GALNTL6: variants seen among roughly 807,000 people sequenced by gnomAD.
GALNTL6 encodes polypeptide N-acetylgalactosaminyltransferase-like 6.
In GALNTL6, 46 loss-of-function variants were observed where a neutral mutation model predicts 73.7. The ratio of observed to expected loss-of-function variants is 0.62; its 90% CI spans 0.49 to 0.80. The LOEUF (loss-of-function observed/expected upper bound fraction) is 0.80. Ranked by LOEUF, GALNTL6 falls within the 30% of genes least tolerant of loss-of-function variation. The pLI is 0.00. For synonymous variants in GALNTL6, 259 were observed against 263.7 expected, an observed-to-expected ratio of 0.98 and a Z score of 0.17; for missense variants, 604 against 755.0, an observed-to-expected ratio of 0.80 and a Z score of 2.34.
chr4:172,133,785 T>C (rs1375585351), intron 2 of GALNTL6, among the ~76,000 whole-genome samples: 1 of 152,182 alleles, frequency 6.6e-6, no homozygotes, highest in Non-Finnish European at 1.5e-5. Flanking sequence ...GCATGGCATA[T>C]AATAAAAGCT....
intron 2 of GALNTL6, among the ~76,000 whole-genome samples, chr4:171,929,294 A>G (rs562347011): frequency 1.5e-4 from 23 of 152,276 alleles, no homozygotes; most frequent in African/African-American, 5.5e-4. Flanking sequence ...CTGGTCTTGA[A>G]TTCCTGGCCT....
intron 5 of GALNTL6, among the ~76,000 whole-genome samples, chr4:172,611,334 A>G (rs1367368711): frequency 2.0e-5 from 3 of 151,998 alleles, no homozygotes; most frequent in Admixed American, 6.6e-5. Context: ...TCATTTCCAC[A>G]GTTAGCATTA....
intron 5 of GALNTL6, among the ~76,000 whole-genome samples, chr4:172,367,642 A>C (rs1043475770): frequency 6.6e-6 from 1 of 152,136 alleles, no homozygotes; most frequent in Non-Finnish European, 1.5e-5. Context: ...TAGTTTTTGG[A>C]ATATCTCAGT....
intron 2 of GALNTL6, among the ~76,000 whole-genome samples, chr4:171,962,437 A>T (rs1739247754): frequency 6.6e-6 from 1 of 152,166 alleles, no homozygotes; most frequent in Non-Finnish European, 1.5e-5. Context: ...TGGCAATGAA[A>T]GTGACCTCTG....
intron 5 of GALNTL6, among the ~76,000 whole-genome samples, chr4:172,430,295 T>G (rs770207202): frequency 2.3e-4 from 35 of 151,926 alleles, no homozygotes; most frequent in South Asian, 1.3e-3. Context: ...GGAAGAGAGA[T>G]AGAGAGACAG....
At chr4:172,182,646 A>G (rs988262530) in intron 2 of GALNTL6, among the ~76,000 whole-genome samples, 4 of 151,620 alleles carry the variant, frequency 2.6e-5, no homozygotes, top group Non-Finnish European at 4.4e-5. Context: ...GACCAAAGCA[A>G]TCATTTCTAG....
chr4:172,855,642 C>T lies in GALNTL6; in HGVS notation c.924-27148C>T, dbSNP rs183559484. On this transcript the variant is annotated intron_variant, in intron 7 of 12. Transcript: ENST00000506823. ...CTCTGAATGTAAATCATAGATTTCC[C>T]TCAAGAGTTTTCAGCCCTTGAGTAT... is the stretch of plus-strand genomic sequence containing the variant. Among the ~76,000 whole-genome samples the T allele has an allele frequency of 2.4e-4, 37 of 152,236 alleles. No homozygotes were observed. The East Asian group carries it at 2.9e-3, about 12-fold the overall frequency.
chr4:172,222,829 A>G (rs1031541349), intron 2 of GALNTL6, among the ~76,000 whole-genome samples: 3 of 152,010 alleles, frequency 2.0e-5, no homozygotes, highest in Non-Finnish European at 4.4e-5. Context: ...TTATACCAAT[A>G]AGAGACAATG....
chr4:172,789,226 A>C (rs1399242829), intron 5 of GALNTL6, among the ~76,000 whole-genome samples: 1 of 152,124 alleles, frequency 6.6e-6, no homozygotes, highest in Non-Finnish European at 1.5e-5. Context: ...CTTCAAGTGG[A>C]GTTCCCATGA....
rs894980807 is a variant in GALNTL6, at chr4:172,215,730, G to A, written c.139-13926G>A. 4.6e-5 allele frequency among the ~76,000 whole-genome samples: 7 copies of A among 152,038 alleles called. No homozygotes were observed. In the East Asian group the frequency reaches 1.3e-3, roughly 29 times the overall value. On this transcript the variant is annotated intron_variant, in intron 2 of 12. Transcript: ENST00000506823. ...TTCATATTTAAAGTGCTATTAATAT[G>A]TTCACTATGTCTGTAACTGTTTTAT...
At chr4:172,970,695 A>C (rs1750539104) in intron 10 of GALNTL6, among the ~76,000 whole-genome samples, 1 of 152,200 alleles carries the variant, frequency 6.6e-6, no homozygotes, top group Non-Finnish European at 1.5e-5. Flanking sequence ...CTTTACAATC[A>C]ATTTGTACAA....
intron 10 of GALNTL6, among the ~76,000 whole-genome samples, chr4:172,987,504 C>T (rs149944879): frequency 1.3e-5 from 2 of 152,284 alleles, no homozygotes; most frequent in African/African-American, 4.8e-5. Context: ...GAGGGTACAG[C>T]CAAACCATAT....
chr4:172,233,204 C>CT (rs1270486113), intron 3 of GALNTL6, among the ~76,000 whole-genome samples: 1 of 104,470 alleles, frequency 9.6e-6, no homozygotes, highest in Non-Finnish European at 2.0e-5. Context: ...CCTCATCTCT[C>CT]CAAAAAAAAA....
At chr4:172,156,088 G>C (rs1734245116) in intron 2 of GALNTL6, among the ~76,000 whole-genome samples, 1 of 149,790 alleles carries the variant, frequency 6.7e-6, no homozygotes, top group Non-Finnish European at 1.5e-5. Context: ...GTGCAGATGG[G>C]CTGAGGCCTA....
chr4:172,051,709 A>G (rs1323383710), intron 2 of GALNTL6, among the ~76,000 whole-genome samples: 1 of 152,140 alleles, frequency 6.6e-6, no homozygotes, highest in Non-Finnish European at 1.5e-5. Context: ...ATAGGGGAGC[A>G]TGGCGGGCCA....
At chr4:172,012,700 A>G (rs1409924952) in intron 2 of GALNTL6, among the ~76,000 whole-genome samples, 1 of 151,814 alleles carries the variant, frequency 6.6e-6, no homozygotes, top group East Asian at 1.9e-4. Flanking sequence ...GACTTTACTC[A>G]GGTCATTTCT....
At chr4:172,566,012 GTCAC>G (rs1242831823) in intron 5 of GALNTL6, among the ~76,000 whole-genome samples, 3 of 152,102 alleles carry the variant, frequency 2.0e-5, no homozygotes, top group Admixed American at 6.5e-5. Context: ...TAAATATATA[GTCAC>G]TCACCATCAG....
At chr4:172,530,492 G>T (rs338043) in intron 5 of GALNTL6, among the ~76,000 whole-genome samples, 150,289 of 152,332 alleles carry the variant, frequency 0.99, 74,169 homozygotes, top group Middle Eastern at 1. Flanking sequence ...TGTTTTACAT[G>T]CTACTCTACC....
chr4:172,742,024 C>A (rs1736835840), intron 5 of GALNTL6, among the ~76,000 whole-genome samples: 1 of 151,834 alleles, frequency 6.6e-6, no homozygotes. Context: ...TACTACACTG[C>A]ATACATACAA....
Sources: allele counts gnomAD v4.1 joint callset (sites outside exome capture counted in the v4.1 genomes callset), GRCh38; gene constraint gnomAD v4.1.1; transcripts MANE v1.5; gene names NCBI Gene and HGNC (gene_info 2026-07-23, HGNC 2026-07-21).